The following ST6GAL1 variants were observed in gnomAD, a reference collection of about 807,000 sequenced individuals.
The protein encoded by ST6GAL1 is ST6 beta-galactoside alpha-2,6-sialyltransferase 1, also known as beta-galactoside alpha-2,6-sialyltransferase 1.
Under a neutral mutation model 38.0 loss-of-function variants are expected in ST6GAL1, and 20 were observed. The observed-to-expected ratio is 0.53, with a 90% CI of 0.37 to 0.77. ST6GAL1 has a LOEUF of 0.77. Among genes scored for constraint, ST6GAL1 ranks in the 30% least tolerant of loss-of-function variants. The probability of loss-of-function intolerance (pLI) is 0.00; values close to 1 mark genes in which losing one functional copy is unlikely to be tolerated. For synonymous variants in ST6GAL1, 196 were observed against 188.2 expected (o/e 1.04, Z -0.34); for missense variants, 432 against 496.4 (o/e 0.87, Z 1.23).
At chr3:186,936,309 AT>A (rs1713950474) in intron 1 of ST6GAL1, among the ~76,000 whole-genome samples, 1 of 152,254 alleles carries the variant, frequency 6.6e-6, no homozygotes. Flanking sequence ...GGAATAATTC[AT>A]TAATGAAATT....
chr3:187,034,478 C>T (rs1184229522), intron 2 of ST6GAL1, among the ~76,000 whole-genome samples: 3 of 152,132 alleles, frequency 2.0e-5, no homozygotes, highest in Non-Finnish European at 4.4e-5. Context: ...GCCAATATCC[C>T]TGATGAAAAT....
intron 2 of ST6GAL1, among the ~76,000 whole-genome samples, chr3:186,992,519 C>T (rs533124197): frequency 3.2e-4 from 49 of 152,216 alleles, no homozygotes; most frequent in South Asian, 2.7e-3. Flanking sequence ...CATGGCCGGG[C>T]GCGGTGGCTC....
intron 5 of ST6GAL1, among the ~76,000 whole-genome samples, chr3:187,065,775 T>C (rs1719082903): frequency 6.6e-6 from 1 of 152,192 alleles, no homozygotes; most frequent in African/African-American, 2.4e-5. Flanking sequence ...GTGGGGCTTA[T>C]CTTGAAATAA....
At chr3:187,031,177 C>T (rs867145569) in intron 2 of ST6GAL1, among the ~76,000 whole-genome samples, 2 of 152,156 alleles carry the variant, frequency 1.3e-5, no homozygotes, top group Non-Finnish European at 2.9e-5. Context: ...GCTTGAGAGT[C>T]AAGGAGCACT....
chr3:187,026,359 TCGCC>T (rs1197802340), intron 2 of ST6GAL1, among the ~76,000 whole-genome samples: 1 of 152,204 alleles, frequency 6.6e-6, no homozygotes, highest in East Asian at 1.9e-4. Context: ...ATAACAGTGC[TCGCC>T]TTGGGCACTG....
At chr3:187,064,912 G>GA (rs1719045994) in intron 5 of ST6GAL1, among the ~76,000 whole-genome samples, 1 of 152,116 alleles carries the variant, frequency 6.6e-6, no homozygotes, top group African/African-American at 2.4e-5. Context: ...AAGTCACTGA[G>GA]AGAATAGCTG....
At chr3:187,001,728 C>A (rs1179484874) in intron 2 of ST6GAL1, among the ~76,000 whole-genome samples, 1 of 152,074 alleles carries the variant, frequency 6.6e-6, no homozygotes, top group African/African-American at 2.4e-5. Flanking sequence ...GAGGCCCAGG[C>A]GGGCAGATCA....
At chr3:186,988,768 G>T (rs1447157172) in intron 2 of ST6GAL1, among the ~76,000 whole-genome samples, 1 of 152,036 alleles carries the variant, frequency 6.6e-6, no homozygotes, top group Admixed American at 6.5e-5. Context: ...ACAAAAATTA[G>T]CTGGAGGTGG....
At chr3:187,068,203 G>A (rs777961355) in intron 5 of ST6GAL1, among the ~76,000 whole-genome samples, 1 of 152,152 alleles carries the variant, frequency 6.6e-6, no homozygotes, top group African/African-American at 2.4e-5. Context: ...TTAGCTGGGT[G>A]TGGTGGCACA....
At chr3:187,051,025 A>G (rs995617213) in intron 4 of ST6GAL1, among the ~76,000 whole-genome samples, 4 of 152,190 alleles carry the variant, frequency 2.6e-5, no homozygotes, top group Non-Finnish European at 4.4e-5. Context: ...ATGCCACAGT[A>G]TGGCCCCCTT....
At chr3:186,945,985 C>T (rs1251198587) in intron 1 of ST6GAL1, among the ~76,000 whole-genome samples, 16 of 50,248 alleles carry the variant, frequency 3.2e-4, no homozygotes, top group South Asian at 1.3e-3. Flanking sequence ...AGCAAGACTC[C>T]GTCAAAAAAA....
chr3:187,039,442 G>GA (rs1394943816), intron 3 of ST6GAL1, among the ~76,000 whole-genome samples: 1 of 152,212 alleles, frequency 6.6e-6, no homozygotes, highest in Admixed American at 6.5e-5. Context: ...AGTCAGGCAT[G>GA]AAAAGCAAGC....
At chr3:187,062,605 C>CACACACAA (rs1553835868) in intron 5 of ST6GAL1, among the ~76,000 whole-genome samples, 16 of 149,990 alleles carry the variant, frequency 1.1e-4, no homozygotes, top group East Asian at 1.9e-4. Context: ...CACACACACA[C>CACACACAA]AAAATACTAT....
At chr3:186,941,956 G>C (rs1714193012) in intron 1 of ST6GAL1, among the ~76,000 whole-genome samples, 1 of 151,634 alleles carries the variant, frequency 6.6e-6, no homozygotes, top group African/African-American at 2.4e-5. Context: ...AGCTTGCAGT[G>C]AGCCGAGATC....
intron 2 of ST6GAL1, among the ~76,000 whole-genome samples, chr3:187,022,158 C>T (rs191454446): frequency 6.6e-6 from 1 of 152,094 alleles, no homozygotes; most frequent in South Asian, 2.1e-4. Flanking sequence ...GGACACTAAG[C>T]CCTCAATCTG....
At chr3:187,069,376 C>G (rs1181697284) in intron 5 of ST6GAL1, among the ~76,000 whole-genome samples, 1 of 152,174 alleles carries the variant, frequency 6.6e-6, no homozygotes, top group Non-Finnish European at 1.5e-5. Flanking sequence ...CTCAAGTGAG[C>G]CCAGCCCTCA....
At chr3:187,063,417 A>C (rs1289509185) in intron 5 of ST6GAL1, among the ~76,000 whole-genome samples, 2 of 152,166 alleles carry the variant, frequency 1.3e-5, no homozygotes. Flanking sequence ...GAACAAAGAG[A>C]TTTATAATTG....
intron 5 of ST6GAL1, among the ~76,000 whole-genome samples, chr3:187,061,603 G>T (rs1235302098): frequency 3.3e-5 from 5 of 152,096 alleles, no homozygotes; most frequent in African/African-American, 1.2e-4. Flanking sequence ...AGTGTGTCAG[G>T]ATCGTTCAAT....
chr3:186,962,108 C>G (rs999268709), intron 1 of ST6GAL1, among the ~76,000 whole-genome samples: 4 of 152,198 alleles, frequency 2.6e-5, no homozygotes, highest in African/African-American at 9.6e-5. Flanking sequence ...TCACCAGATG[C>G]CTTTGTTGTT....
Sources: gnomAD v4.1 joint callset for allele counts (sites outside exome capture counted in the v4.1 genomes callset) on GRCh38, gnomAD v4.1.1 for gene constraint, MANE v1.5 for transcripts, NCBI Gene and HGNC (gene_info 2026-07-23, HGNC 2026-07-21) for gene names.